Variants in P2RX5 observed in about 807,000 individuals in gnomAD.
The protein encoded by P2RX5 is P2X purinoceptor 5.
A neutral mutation model predicts 54.1 loss-of-function variants in P2RX5; 46 were observed. The observed-to-expected ratio is 0.85, with a 90% confidence interval of 0.67 to 1.09. The LOEUF is 1.09. Among genes scored for constraint, P2RX5 ranks in the 50% least tolerant of loss-of-function variants. P2RX5 has a pLI of 0.00. For missense variants in P2RX5, 566 were observed against 549.8 expected (o/e 1.03, Z -0.29); for synonymous variants, 226 against 226.4 (o/e 1.00, Z 0.02).
At chr17:3,720,621 G>A in the P2RX5 span, 2 of 357,758 alleles carry the variant, frequency 5.6e-6, no homozygotes, top group South Asian at 6.2e-5. Context: ...TCGCTCTTTC[G>A]CCCAGGCTGG....
At chr17:3,674,123 A>G (rs1294564670) in intron 11 of P2RX5, among the ~76,000 whole-genome samples, 2 of 152,092 alleles carry the variant, frequency 1.3e-5, no homozygotes, top group Admixed American at 6.5e-5. Context: ...GACCATCCTG[A>G]TTAACACAGT....
At chr17:3,698,714 A>C (rs1430923878), upstream of P2RX5, among the ~76,000 whole-genome samples, 2 of 151,986 alleles carry the variant, frequency 1.3e-5, no homozygotes, top group African/African-American at 4.8e-5. Context: ...TCCCCACGGC[A>C]CAGCCAAGAC....
At chr17:3,722,001 G>A in the P2RX5 span, among the ~76,000 whole-genome samples, 1 of 152,128 alleles carries the variant, frequency 6.6e-6, no homozygotes, top group Non-Finnish European at 1.5e-5. Flanking sequence ...CCAACATGGA[G>A]AAACCCCATC....
At chr17:3,720,581 T>C in the P2RX5 span, 2 of 407,640 alleles carry the variant, frequency 4.9e-6, no homozygotes, top group African/African-American at 3.1e-5. Context: ...ATTCTTCAAC[T>C]TCCTTTTTTT....
rs556267217 is a variant in P2RX5, at chr17:3,690,895, G to A, written c.360+61C>T. ...GACACCCTTGCTTCAGAAGAGAGTA[G>A]ACCCCAACCACTGCCGGTGGCTCTC... is the stretch of plus-strand genomic sequence containing the variant. On this transcript the variant is annotated intron_variant, in intron 3 of 11. Coordinates refer to ENST00000225328, the MANE Select transcript of P2RX5 (RefSeq NM_002561.4). The A allele has an allele frequency of 6.5e-5, 94 of 1,442,890 alleles. No homozygotes were observed. The African/African-American group carries it at 1.1e-3, about 17-fold the overall frequency. 89.4% of individuals were successfully genotyped at this position (1,442,890 alleles called of 1,614,324 possible). A position where few individuals can be genotyped will look rare whatever the true frequency, so the allele number is the denominator to read the frequency against.
chr17:3,684,635 T>C (rs1243190451), intron 9 of P2RX5, among the ~76,000 whole-genome samples: 1 of 97,226 alleles, frequency 1.0e-5, no homozygotes, highest in Non-Finnish European at 2.4e-5. Context: ...TGGGAAAATA[T>C]AGTATCGACC....
the P2RX5 span, chr17:3,714,801 C>G: frequency 5.4e-6 from 6 of 1,105,490 alleles, no homozygotes; most frequent in Non-Finnish European, 8.2e-6. Context: ...GCTGGGTCTC[C>G]AAGTCCCAGG....
chr17:3,692,202 A>C (rs1217333887), intron 1 of P2RX5, among the ~76,000 whole-genome samples: 4 of 151,892 alleles, frequency 2.6e-5, no homozygotes, highest in Non-Finnish European at 5.9e-5. Context: ...CTGTAGTCCC[A>C]GCTACTCAGG....
chr17:3,693,907 T>C (rs144501090), intron 1 of P2RX5, among the ~76,000 whole-genome samples: 2 of 151,886 alleles, frequency 1.3e-5, no homozygotes, highest in Non-Finnish European at 2.9e-5. Flanking sequence ...TGAGATTACA[T>C]GCGCTCGCCA....
the P2RX5 span, among the ~76,000 whole-genome samples, chr17:3,719,620 T>A: frequency 6.6e-6 from 1 of 152,250 alleles, no homozygotes; most frequent in African/African-American, 2.4e-5. Flanking sequence ...ATAAAAGATT[T>A]ATGCATTCCT....
chr17:3,685,308 A>T (rs1275662478), intron 9 of P2RX5, among the ~76,000 whole-genome samples: 3 of 152,038 alleles, frequency 2.0e-5, no homozygotes, highest in African/African-American at 7.3e-5. Context: ...CTGGAAAGAG[A>T]CTCGGGCTGT....
intron 9 of P2RX5, 108 bp from the exon 10 acceptor site, chr17:3,682,086 T>C (rs2050300177): frequency 1.3e-6 from 1 of 757,148 alleles, no homozygotes; most frequent in Non-Finnish European, 2.3e-6. Context: ...GTGGCATCAC[T>C]GTCCCCATTT....
chr17:3,698,545 A>G (rs2050795600), upstream of P2RX5, among the ~76,000 whole-genome samples: 1 of 152,154 alleles, frequency 6.6e-6, no homozygotes, highest in Admixed American at 6.6e-5. Context: ...CCCCAGTCCC[A>G]GGCACTCTGC....
At chr17:3,723,323 CGG>C in the P2RX5 span, 1 of 1,613,804 alleles carries the variant, frequency 6.2e-7, no homozygotes, top group Non-Finnish European at 8.5e-7. Context: ...TCTGCAGCCA[CGG>C]TGACATTTTC....
rs2050294025 is a variant in P2RX5, at chr17:3,681,878, C to T, written c.1064+18G>A. 6.3e-7 allele frequency: 1 copy of T among 1,589,160 alleles called. No individual in the cohort carries two copies. Among genetic ancestry groups the T allele is most frequent in the Non-Finnish European group, 8.6e-7 (1 of 1,157,400 alleles). On this transcript the variant is annotated intron_variant, in intron 10 of 11. Transcript: ENST00000225328. ...CACAGGGCTGCCCTCGGGCCGCCGG[C>T]CTGGAAGCGGAACTGACCTCACTTC...
chr17:3,723,474 C>T, the P2RX5 span: 1 of 1,077,642 alleles, frequency 9.3e-7, no homozygotes, highest in South Asian at 1.3e-5. Context: ...ATCGTAAGGT[C>T]CCAGAATAGA....
At chr17:3,680,793 A>G (rs866468737) in intron 10 of P2RX5, among the ~76,000 whole-genome samples, 23 of 57,120 alleles carry the variant, frequency 4.0e-4, no homozygotes, top group South Asian at 1.7e-3. Flanking sequence ...TCCACCCTGC[A>G]TCCTCCACCC....
At chr17:3,715,521 C>G in the P2RX5 span, among the ~76,000 whole-genome samples, 46,122 of 151,826 alleles carry the variant, frequency 0.3, 9,150 homozygotes, top group African/African-American at 0.56. Context: ...CCTACGCGTA[C>G]GCAGAGGCAC....
At chr17:3,701,713 A>T in the P2RX5 span, among the ~76,000 whole-genome samples, 3 of 105,096 alleles carry the variant, frequency 2.9e-5, no homozygotes, top group South Asian at 4.0e-4. Flanking sequence ...AAAAAAAAAA[A>T]AAAAAAGGAA....
Sources: gnomAD v4.1 joint callset for allele counts (sites outside exome capture counted in the v4.1 genomes callset) on GRCh38, gnomAD v4.1.1 for gene constraint, MANE v1.5 for transcripts, NCBI Gene and HGNC (gene_info 2026-07-23, HGNC 2026-07-21) for gene names.